Variants in VLDLR observed in about 807,000 individuals in gnomAD.
VLDLR encodes very low density lipoprotein receptor.
VLDLR carries 81 observed loss-of-function variants against 112.7 expected under a neutral mutation model. The observed-to-expected ratio is 0.72, with a 90% CI of 0.60 to 0.86. VLDLR has a LOEUF of 0.86. Ranked by LOEUF, VLDLR falls within the 40% of genes least tolerant of loss-of-function variation. The pLI is 0.00. For missense variants in VLDLR, 1,237 were observed against 1,099.4 expected (o/e 1.13, Z -1.77); for synonymous variants, 436 against 384.8 (o/e 1.13, Z -1.56).
Position 2,624,036 on chromosome 9 carries a change from C to T in VLDLR, c.82+1765C>T, listed in dbSNP as rs149482931. ...ATCCAGGAAGGTGAGAGAAAAGTTT[C>T]GTTTTTGCTGCATGTCCCTTCCACT... On this transcript the variant is annotated intron_variant, in intron 1 of 18. Transcript: ENST00000382100. 4.3e-3 allele frequency among the ~76,000 whole-genome samples: 649 copies of T among 152,284 alleles called. 10 individuals are homozygous for T. The highest frequency in any genetic ancestry group is 0.014 in the African/African-American group (602 of 41,550).
At chr9:2,622,850 G>T (rs1816888861) in intron 1 of VLDLR, among the ~76,000 whole-genome samples, 1 of 152,100 alleles carries the variant, frequency 6.6e-6, no homozygotes, top group Non-Finnish European at 1.5e-5. Context: ...GAGGGCACCC[G>T]GACTGCGACT....
intron 2 of VLDLR, among the ~76,000 whole-genome samples, chr9:2,637,309 G>A (rs957407595): frequency 1.3e-5 from 2 of 152,140 alleles, no homozygotes; most frequent in African/African-American, 2.4e-5. Flanking sequence ...TTTATTTCCA[G>A]TATGTCAATG....
At chr9:2,645,813 T>C (rs1305421824) in intron 10 of VLDLR, 68 bp downstream of exon 10, 1 of 1,595,978 alleles carries the variant, frequency 6.3e-7, no homozygotes, top group Non-Finnish European at 8.6e-7. Context: ...ATCTGTGGGA[T>C]AGTTTGGAGG....
rs967809093 is a variant in VLDLR at position 2,658,301 on chromosome 9, G to C, written c.*4433G>C. Reference sequence around the variant, plus strand: ...TCCATCTCTCTATCATGTCTCCTGAGTCCGTTTCACGTTTTTGAGCCTGGC... The same window carrying C: ...TCCATCTCTCTATCATGTCTCCTGACTCCGTTTCACGTTTTTGAGCCTGGC... On this transcript the variant is annotated 3_prime_UTR_variant, in exon 19 of 19. Coordinates refer to ENST00000382100, the MANE Select transcript of VLDLR (RefSeq NM_003383.5). The C allele has an allele frequency of 6.6e-6, 1 of 152,164 alleles. No homozygotes were observed. The highest frequency in any genetic ancestry group is 2.4e-5 in the African/African-American group (1 of 41,418). 9.4% of individuals were successfully genotyped at this position (152,164 alleles called of 1,614,324 possible).
chr9:2,649,916 T>C (rs1470406466), intron 14 of VLDLR, among the ~76,000 whole-genome samples: 3 of 152,194 alleles, frequency 2.0e-5, no homozygotes, highest in African/African-American at 7.2e-5. Context: ...TATTATCTCC[T>C]GCTGAAAACA....
At chr9:2,645,890 C>G (rs34534826) in intron 10 of VLDLR, 145 bp downstream of exon 10, 2 of 853,580 alleles carry the variant, frequency 2.3e-6, no homozygotes, top group African/African-American at 1.7e-5. Flanking sequence ...AATGCTAATT[C>G]TTTATTAAAC....
chr9:2,645,313 C>T (rs1818020213), intron 9 of VLDLR, among the ~76,000 whole-genome samples: 1 of 152,186 alleles, frequency 6.6e-6, no homozygotes, highest in African/African-American at 2.4e-5. Context: ...TTTGCATGCT[C>T]TGTTTCCAAA....
Position 2,647,484 on chromosome 9 carries a change from T to A in VLDLR, c.1714T>A (p.Trp572Arg). 3 of 1,613,996 alleles carry A rather than the reference T, an allele frequency of 1.9e-6. No individual in the cohort carries two copies. Among genetic ancestry groups the A allele is most frequent in the Non-Finnish European group, 2.5e-6 (3 of 1,179,802 alleles). ...TTTAATTTTTCACAGCTTTGTTTAC[T>A]GGTCAGACTGGGGTGAACCAGCTAA... ...AVDPLSGFVY[W>R]SDWGEPAKIE... The change falls in exon 12 of 19, where the codon TGG becomes AGG. Residue 572 changes from tryptophan to arginine, a missense_variant. By Grantham distance (101) the Trp-to-Arg change is moderately radical. Coordinates refer to ENST00000382100, the MANE Select transcript of VLDLR (RefSeq NM_003383.5).
chr9:2,641,296 T>C (rs1036328688), intron 3 of VLDLR, 81 bp from the exon 4 acceptor site: 8 of 1,605,576 alleles, frequency 5.0e-6, no homozygotes, highest in Non-Finnish European at 6.0e-6. Flanking sequence ...TCACAGGTAT[T>C]AGCGCTTCCA....
intron 1 of VLDLR, among the ~76,000 whole-genome samples, chr9:2,623,877 C>G (rs955562721): frequency 1.3e-5 from 2 of 152,096 alleles, no homozygotes; most frequent in East Asian, 1.9e-4. Context: ...CAAGAGTTTC[C>G]AAACGCTAGC....
Position 2,655,436 on chromosome 9 carries a change from G to C in VLDLR, c.*1568G>C, listed in dbSNP as rs973430860. 3.3e-5 allele frequency: 5 copies of C among 152,160 alleles called. No individual in the cohort carries two copies. The highest frequency in any genetic ancestry group is 3.3e-4 in the Admixed American group (5 of 15,266). 9.4% of individuals were successfully genotyped at this position (152,160 alleles called of 1,614,324 possible). On this transcript the variant is annotated 3_prime_UTR_variant, in exon 19 of 19. Transcript: ENST00000382100. ...ACAAGTGAGGTGGAGAGTTGGCTGT[G>C]GAAGGTACAGCAATTCCTCTGGAAT... is the stretch of plus-strand genomic sequence containing the variant.
intron 1 of VLDLR, among the ~76,000 whole-genome samples, chr9:2,627,915 A>G (rs933027063): frequency 3.9e-5 from 6 of 152,062 alleles, no homozygotes; most frequent in Non-Finnish European, 8.8e-5. Context: ...GTACCCTCAT[A>G]GGCCTAGGGA....
At position 2,655,838 on chromosome 9, in the gene VLDLR, A is replaced by C. The variant is rs2130817585; in HGVS notation, c.*1970A>C. 6.6e-6 allele frequency: 1 copy of C among 152,300 alleles called. No individual in the cohort carries two copies. The highest frequency in any genetic ancestry group is 1.9e-4 in the East Asian group (1 of 5,174). 9.4% of individuals were successfully genotyped at this position (152,300 alleles called of 1,614,324 possible). Reference sequence around the variant, plus strand: ...ACTGAACAGGATGTGGCCTGCTGACAGTGAGTAGCTGAAGTGCCTGTTTGG... The same window carrying C: ...ACTGAACAGGATGTGGCCTGCTGACCGTGAGTAGCTGAAGTGCCTGTTTGG... On this transcript the variant is annotated 3_prime_UTR_variant, in exon 19 of 19. Coordinates refer to ENST00000382100, the MANE Select transcript of VLDLR (RefSeq NM_003383.5).
rs1817822461 is a variant in VLDLR, at chr9:2,641,499, G to T, written c.448G>T (p.Gly150Cys). The T allele has an allele frequency of 6.2e-7, 1 of 1,614,072 alleles. No individual in the cohort carries two copies. The highest frequency in any genetic ancestry group is 8.5e-7 in the Non-Finnish European group (1 of 1,179,982). ...CDSGEDEENC[G>C]NITCSPDEFT... ...CAGTGGAGAAGATGAAGAAAACTGT[G>T]GTAAGAAGATCAGTGTTGAGTGACG... Residue 150 changes from glycine to cysteine, a missense_variant and splice_region_variant, in exon 4 of 19, where the codon GGC (glycine) becomes TGC (cysteine). By Grantham distance (159) the Gly-to-Cys change is radical. Transcript: ENST00000382100.
intron 1 of VLDLR, among the ~76,000 whole-genome samples, chr9:2,623,113 G>A (rs963210128): frequency 4.6e-5 from 7 of 152,180 alleles, no homozygotes; most frequent in African/African-American, 1.7e-4. Flanking sequence ...ACTGTAATTA[G>A]CCTTCATTCT....
intron 2 of VLDLR, among the ~76,000 whole-genome samples, chr9:2,638,647 C>A (rs1234710535): frequency 6.6e-6 from 1 of 152,156 alleles, no homozygotes; most frequent in African/African-American, 2.4e-5. Context: ...TTGCTTAGGA[C>A]AGTCCTGGTT....
At chr9:2,627,894 A>G (rs7863543) in intron 1 of VLDLR, among the ~76,000 whole-genome samples, 42,014 of 150,944 alleles carry the variant, frequency 0.28, 6,664 homozygotes, top group East Asian at 0.56. Context: ...TGCTACAAAG[A>G]TGAGGTGAAG....
Position 2,645,597 on chromosome 9 carries a change from A to G in VLDLR, c.1336A>G (p.Thr446Ala), listed in dbSNP as rs1416461498. Reference protein sequence around the residue: ...AVGKEPSLIFTNRRDIRKIGL... With the variant: ...AVGKEPSLIFANRRDIRKIGL... Reference sequence around the variant, plus strand: ...AGGCAAAGAGCCAAGTCTGATCTTCACTAATCGAAGAGACATCAGGAAGAT... The same window carrying G: ...AGGCAAAGAGCCAAGTCTGATCTTCGCTAATCGAAGAGACATCAGGAAGAT... Residue 446 changes from threonine to alanine, a missense_variant, in exon 10 of 19, where the codon ACT becomes GCT. Coordinates refer to ENST00000382100, the MANE Select transcript of VLDLR (RefSeq NM_003383.5). 1 of 1,614,264 alleles carries G rather than the reference A, an allele frequency of 6.2e-7. No individual in the cohort carries two copies. Among genetic ancestry groups the G allele is most frequent in the East Asian group, 2.2e-5 (1 of 44,886 alleles).
intron 7 of VLDLR, 92 bp from the exon 8 acceptor site, chr9:2,644,642 C>G: frequency 6.4e-7 from 1 of 1,571,740 alleles, no homozygotes. Flanking sequence ...ACCAGGCCAA[C>G]TAGATAAGTT....
Sources: gnomAD v4.1 joint callset for allele counts (sites outside exome capture counted in the v4.1 genomes callset) on GRCh38, gnomAD v4.1.1 for gene constraint, MANE v1.5 for transcripts, NCBI Gene and HGNC (gene_info 2026-07-23, HGNC 2026-07-21) for gene names.